Variants in GALNT10 observed in about 807,000 individuals in gnomAD.
The protein encoded by GALNT10 is polypeptide N-acetylgalactosaminyltransferase 10, also known as GalNAc transferase 10.
GALNT10 carries 41 observed loss-of-function variants against 75.0 expected under a neutral mutation model. The ratio of observed to expected loss-of-function variants is 0.55; its 90% CI spans 0.43 to 0.71. GALNT10 has a LOEUF of 0.71. Among genes scored for constraint, GALNT10 ranks in the 30% least tolerant of loss-of-function variants. The pLI, the probability that GALNT10 is intolerant of heterozygous loss-of-function variation, is 0.00. For synonymous variants in GALNT10, 302 were observed against 313.0 expected (o/e 0.96, Z 0.37); for missense variants, 727 against 818.5 (o/e 0.89, Z 1.36).
At chr5:154,314,655 C>T (rs1046905400) in intron 3 of GALNT10, among the ~76,000 whole-genome samples, 11 of 151,740 alleles carry the variant, frequency 7.2e-5, no homozygotes, top group Non-Finnish European at 1.6e-4. Context: ...TACAAACCAG[C>T]TCCCAACCAG....
intron 7 of GALNT10, among the ~76,000 whole-genome samples, chr5:154,395,955 T>C (rs1756009262): frequency 6.6e-6 from 1 of 152,168 alleles, no homozygotes; most frequent in Non-Finnish European, 1.5e-5. Flanking sequence ...GTGCTTCCGA[T>C]GAGGCCCAAG....
At chr5:154,357,716 C>G (rs1475004524) in intron 4 of GALNT10, among the ~76,000 whole-genome samples, 1 of 152,172 alleles carries the variant, frequency 6.6e-6, no homozygotes, top group Non-Finnish European at 1.5e-5. Flanking sequence ...GCAGGCTTCC[C>G]TATGGCCCAT....
At position 154,419,414 on chromosome 5, in the gene GALNT10, G is replaced by A. The variant is rs1756585070; in HGVS notation, c.*2442G>A. 1 of 152,194 alleles carries A rather than the reference G, an allele frequency of 6.6e-6. No individual in the cohort carries two copies. The highest frequency in any genetic ancestry group is 1.5e-5 in the Non-Finnish European group (1 of 68,082). The allele number at this position is 152,194 out of a possible 1,614,324, so 9.4% of individuals were successfully genotyped here. A position where few individuals can be genotyped will look rare whatever the true frequency, so the allele number is the denominator to read the frequency against. ...CTGTTTCTCACCATTGGGTTAAGGGGTGCCGAGCACTAGCTAGACTTCCAC... is the reference window on the plus strand; with the variant it reads ...CTGTTTCTCACCATTGGGTTAAGGGATGCCGAGCACTAGCTAGACTTCCAC... On this transcript the variant is annotated 3_prime_UTR_variant, in exon 12 of 12. Transcript: ENST00000297107.
At position 154,356,844 on chromosome 5, in the gene GALNT10, C is replaced by T. The variant is rs541427632; in HGVS notation, c.569-19433C>T. Reference sequence around the variant, plus strand: ...CAAGGACCTTGGGTTTTGAGGGACCCGTTATCATGCCTTAGACCAGTGCTT... The same window carrying T: ...CAAGGACCTTGGGTTTTGAGGGACCTGTTATCATGCCTTAGACCAGTGCTT... On this transcript the variant is annotated intron_variant, in intron 4 of 11. Coordinates refer to ENST00000297107, the MANE Select transcript of GALNT10 (RefSeq NM_198321.4). 2.6e-5 allele frequency among the ~76,000 whole-genome samples: 4 copies of T among 152,310 alleles called. No individual in the cohort carries two copies. The South Asian group carries it at 8.3e-4, about 32-fold the overall frequency.
intron 3 of GALNT10, among the ~76,000 whole-genome samples, chr5:154,317,677 C>T (rs899300902): frequency 3.3e-5 from 5 of 152,090 alleles, no homozygotes; most frequent in Admixed American, 1.3e-4. Context: ...ATTCATTTGA[C>T]GGAATATACC....
chr5:154,205,874 C>A (rs1381357060), intron 1 of GALNT10, among the ~76,000 whole-genome samples: 2 of 152,120 alleles, frequency 1.3e-5, no homozygotes, highest in African/African-American at 4.8e-5. Context: ...ATAGGATAGC[C>A]CTGCCAGTAC....
chr5:154,406,201 T>C (rs1292588361), intron 8 of GALNT10: 1 of 152,178 alleles, frequency 6.6e-6, no homozygotes, highest in Non-Finnish European at 1.5e-5. Context: ...CTGTTATTAG[T>C]GTTAGCATCA....
At chr5:154,280,032 A>T (rs567301138) in intron 1 of GALNT10, among the ~76,000 whole-genome samples, 2 of 152,230 alleles carry the variant, frequency 1.3e-5, no homozygotes, top group African/African-American at 4.8e-5. Context: ...AGATAAATGG[A>T]TAAAGAAAAT....
intron 1 of GALNT10, among the ~76,000 whole-genome samples, chr5:154,195,271 T>C (rs1379932734): frequency 1.3e-5 from 2 of 152,224 alleles, no homozygotes. Flanking sequence ...CTCCTGACGG[T>C]GTTTGCAGAG....
chr5:154,387,957 T>C (rs1187819494), intron 7 of GALNT10: 1 of 149,354 alleles, frequency 6.7e-6, no homozygotes, highest in Non-Finnish European at 1.5e-5. Context: ...CAGGCTGGAG[T>C]GCAGTAGTGC....
chr5:154,246,636 G>A (rs570153095), intron 1 of GALNT10, among the ~76,000 whole-genome samples: 29 of 152,250 alleles, frequency 1.9e-4, no homozygotes, highest in African/African-American at 4.8e-4. Context: ...CATATCCTTC[G>A]ACCACTTTTT....
At chr5:154,239,558 C>T (rs923165419) in intron 1 of GALNT10, among the ~76,000 whole-genome samples, 1 of 152,152 alleles carries the variant, frequency 6.6e-6, no homozygotes. Context: ...ACTCCCCTCA[C>T]CCCCCGGACC....
Position 154,358,088 on chromosome 5 carries a change from C to T in GALNT10, c.569-18189C>T, listed in dbSNP as rs141174259. Among the ~76,000 whole-genome samples the T allele has an allele frequency of 7.2e-5, 11 of 152,296 alleles. No homozygotes were observed. In the East Asian group the frequency reaches 1.9e-3, roughly 27 times the overall value. On this transcript the variant is annotated intron_variant, in intron 4 of 11. Coordinates refer to ENST00000297107, the MANE Select transcript of GALNT10 (RefSeq NM_198321.4). Reference sequence around the variant, plus strand: ...GTATTGGTACCTCTACCCGGCAGTTCACATTTCTGAAAAGGCCAAGTGGAA... The same window carrying T: ...GTATTGGTACCTCTACCCGGCAGTTTACATTTCTGAAAAGGCCAAGTGGAA...
At chr5:154,294,973 T>C (rs1182093012) in intron 2 of GALNT10, 55 bp downstream of exon 2, 1 of 806,802 alleles carries the variant, frequency 1.2e-6, no homozygotes, top group South Asian at 1.4e-5. Flanking sequence ...TATGCACATA[T>C]GCTTGTGTGT....
chr5:154,205,251 G>T (rs1775088881), intron 1 of GALNT10, among the ~76,000 whole-genome samples: 1 of 152,218 alleles, frequency 6.6e-6, no homozygotes, highest in Non-Finnish European at 1.5e-5. Context: ...CTTTTAATCA[G>T]AAGCAGCTCC....
At chr5:154,372,040 C>G (rs1755580909) in intron 4 of GALNT10, among the ~76,000 whole-genome samples, 1 of 152,130 alleles carries the variant, frequency 6.6e-6, no homozygotes, top group African/African-American at 2.4e-5. Context: ...GTTCATCATT[C>G]TATTCTACTT....
At chr5:154,283,697 G>C (rs1754074921) in intron 1 of GALNT10, among the ~76,000 whole-genome samples, 1 of 152,092 alleles carries the variant, frequency 6.6e-6, no homozygotes, top group Non-Finnish European at 1.5e-5. Flanking sequence ...AAAGAGGAGG[G>C]GACTACCATC....
chr5:154,196,064 T>C (rs925441253), intron 1 of GALNT10, among the ~76,000 whole-genome samples: 4 of 152,060 alleles, frequency 2.6e-5, no homozygotes, highest in Admixed American at 6.5e-5. Context: ...GCTGGGATTA[T>C]AGGCATGCGC....
Position 154,256,381 on chromosome 5 carries a change from TC to T in GALNT10, c.160-38432del, listed in dbSNP as rs572710498. 4.2e-4 allele frequency among the ~76,000 whole-genome samples: 64 copies of T among 151,494 alleles called. 1 individual carries two copies. In the South Asian group the frequency reaches 0.011, roughly 27 times the overall value. On this transcript the variant is annotated intron_variant, in intron 1 of 11. Transcript: ENST00000297107. ...TTTTTTTTTTTAATATTGTGTGTGG[TC>T]CCTTATAGATGGATGACCTTAGACC...
Sources: gnomAD v4.1 joint callset for allele counts (sites outside exome capture counted in the v4.1 genomes callset) on GRCh38, gnomAD v4.1.1 for gene constraint, MANE v1.5 for transcripts, NCBI Gene and HGNC (gene_info 2026-07-23, HGNC 2026-07-21) for gene names.